SLC23A2: variants seen among roughly 807,000 people sequenced by gnomAD.
The protein encoded by SLC23A2 is Na(+)/L-ascorbic acid transporter 2.
A neutral mutation model predicts 73.3 loss-of-function variants in SLC23A2; 36 were observed. That is an observed-to-expected ratio of 0.49 (90% CI 0.38 to 0.65). The LOEUF (loss-of-function observed/expected upper bound fraction) is 0.65. Ranked by LOEUF, SLC23A2 falls within the 30% of genes least tolerant of loss-of-function variation. SLC23A2 has a pLI of 0.00. For missense variants in SLC23A2, 507 were observed against 841.6 expected, an observed-to-expected ratio of 0.60 and a Z score of 4.92; for synonymous variants, 343 against 327.3, an observed-to-expected ratio of 1.05 and a Z score of -0.52.
Position 4,879,408 on chromosome 20 carries a change from C to CAAAAAAAAAAAAAAA in SLC23A2, c.824+4219_824+4233dup, listed in dbSNP as rs111565515. On this transcript the variant is annotated intron_variant, in intron 9 of 16. Coordinates refer to ENST00000338244, the MANE Select transcript of SLC23A2 (RefSeq NM_005116.6). ...GGGCAACCAGAGTAAAACTCTGTCT[C>CAAAAAAAAAAAAAAA]AAAAAAAAAAAAAAAAAAAAAAAAA... Among the ~76,000 whole-genome samples the CAAAAAAAAAAAAAAA allele has an allele frequency of 1.4e-3, 59 of 43,000 alleles. 2 individuals are homozygous for CAAAAAAAAAAAAAAA. Among genetic ancestry groups the CAAAAAAAAAAAAAAA allele is most frequent in the African/African-American group, 1.4e-3 (16 of 11,162 alleles). The allele number at this position is 43,000 out of a possible 152,430, so 28.2% of individuals were successfully genotyped here. A position where few individuals can be genotyped will look rare whatever the true frequency, so the allele number is the denominator to read the frequency against.
At chr20:4,936,130 C>A (rs978991478) in intron 2 of SLC23A2, among the ~76,000 whole-genome samples, 3 of 152,130 alleles carry the variant, frequency 2.0e-5, no homozygotes, top group Non-Finnish European at 4.4e-5. Flanking sequence ...GTAGCCAAAT[C>A]CATCAGCCTT....
rs780531243 is a variant in SLC23A2 at position 4,857,097 on chromosome 20, T to C, written c.1828A>G (p.Ile610Val). 1.4e-5 allele frequency: 22 copies of C among 1,613,964 alleles called. No individual in the cohort carries two copies. The highest frequency in any genetic ancestry group is 1.8e-5 in the Non-Finnish European group (21 of 1,179,932). ...TAGCTGAAGCATCTGTATTTTTTTA[T>C]AATGTTCATGCCAAATGGCAAATTG... ...SYNLPFGMNI[I>V]KKYRCFSYLP... The change falls in exon 17 of 17, where the codon ATA becomes GTA. Residue 610 changes from isoleucine to valine, a missense_variant. Coordinates refer to ENST00000338244, the MANE Select transcript of SLC23A2 (RefSeq NM_005116.6). This position sits in a 1 kb window ranked among gnomAD's most constrained non-coding sequence, Gnocchi z 4.0.
intron 1 of SLC23A2, among the ~76,000 whole-genome samples, chr20:4,976,088 T>C (rs984352449): frequency 6.6e-6 from 1 of 150,474 alleles, no homozygotes; most frequent in Non-Finnish European, 1.5e-5. Flanking sequence ...CTCCTGACCT[T>C]GTGATCCACC....
chr20:5,008,201 C>T (rs1568667479), intron 1 of SLC23A2, among the ~76,000 whole-genome samples: 1 of 152,122 alleles, frequency 6.6e-6, no homozygotes. Flanking sequence ...TGAGCCACCA[C>T]GCCCAGCCAA....
rs1342760401 is a variant in SLC23A2 at position 4,855,512 on chromosome 20, A to T, written c.*1460T>A. 6.6e-6 allele frequency: 1 copy of T among 152,246 alleles called. No individual in the cohort carries two copies. Among genetic ancestry groups the T allele is most frequent in the Admixed American group, 6.5e-5 (1 of 15,282 alleles). 9.4% of individuals were successfully genotyped at this position (152,246 alleles called of 1,614,324 possible). A position where few individuals can be genotyped will look rare whatever the true frequency, so the allele number is the denominator to read the frequency against. On this transcript the variant is annotated 3_prime_UTR_variant, in exon 17 of 17. Coordinates refer to ENST00000338244, the MANE Select transcript of SLC23A2 (RefSeq NM_005116.6). ...AGGAGTCATTTCTCAGGAAGAATTTAGTGTTATTAATTAGAACTCTCTTAA... is the reference window on the plus strand; with the variant it reads ...AGGAGTCATTTCTCAGGAAGAATTTTGTGTTATTAATTAGAACTCTCTTAA...
chr20:4,999,533 T>A (rs1440228654), intron 1 of SLC23A2, among the ~76,000 whole-genome samples: 1 of 151,358 alleles, frequency 6.6e-6, no homozygotes, highest in African/African-American at 2.4e-5. Flanking sequence ...TGGTTTTTTT[T>A]AAGCTGGCCG....
In SLC23A2 at chr20:4,932,551, A is replaced by G. The variant is rs555183421; in HGVS notation, c.12T>C (p.Ile4=). The change falls in exon 3 of 17, where the codon ATT becomes ATC. Residue 4 remains isoleucine, a synonymous_variant. Coordinates refer to ENST00000338244, the MANE Select transcript of SLC23A2 (RefSeq NM_005116.6). The part of the protein sequence containing the change: MMG[I]GKNTTSKSME... Reference sequence around the variant, plus strand: ...TTGATTTGGATGTGGTATTCTTACCAATACCCATCATTAAGAGAAACGAGT... The same window carrying G: ...TTGATTTGGATGTGGTATTCTTACCGATACCCATCATTAAGAGAAACGAGT... The G allele has an allele frequency of 2.0e-4, 308 of 1,568,448 alleles. 5 individuals are homozygous for G. In the South Asian group the frequency reaches 3.3e-3, roughly 17 times the overall value.
At chr20:4,935,378 C>T (rs938455484) in intron 2 of SLC23A2, among the ~76,000 whole-genome samples, 12 of 152,124 alleles carry the variant, frequency 7.9e-5, no homozygotes, top group African/African-American at 2.9e-4. Flanking sequence ...GGTCCCACCA[C>T]CCTGCCACAG....
In SLC23A2 at chr20:4,983,827, A is replaced by G. The variant is rs187190635; in HGVS notation, c.-281-12908T>C. Among the ~76,000 whole-genome samples, 319 of 147,468 alleles carry G rather than the reference A, an allele frequency of 2.2e-3. 2 individuals carry two copies. The highest frequency in any genetic ancestry group is 7.4e-3 in the African/African-American group (294 of 39,840). Reference sequence around the variant, plus strand: ...CAAAATTAGCCAGGCGTGGTGGTGCATGCCTGTAATCCCTGCTATTCGGGA... The same window carrying G: ...CAAAATTAGCCAGGCGTGGTGGTGCGTGCCTGTAATCCCTGCTATTCGGGA... On this transcript the variant is annotated intron_variant, in intron 1 of 16. Coordinates refer to ENST00000338244, the MANE Select transcript of SLC23A2 (RefSeq NM_005116.6).
intron 2 of SLC23A2, among the ~76,000 whole-genome samples, chr20:4,960,564 C>G (rs2087365236): frequency 6.6e-6 from 1 of 152,220 alleles, no homozygotes; most frequent in African/African-American, 2.4e-5. Flanking sequence ...CATTTGGGAA[C>G]ATTTTCCAGA....
intron 1 of SLC23A2, among the ~76,000 whole-genome samples, chr20:5,007,574 ATT>A (rs1373166355): frequency 6.6e-6 from 1 of 152,160 alleles, no homozygotes; most frequent in Non-Finnish European, 1.5e-5. Flanking sequence ...AAAGTATACA[ATT>A]TGGTGGTTTT....
upstream of SLC23A2, among the ~76,000 whole-genome samples, chr20:5,005,932 G>A (rs1397172196): frequency 2.6e-5 from 4 of 151,896 alleles, no homozygotes; most frequent in Non-Finnish European, 5.9e-5. Flanking sequence ...GTTGCAGTGA[G>A]CTGAGATCGC....
intron 1 of SLC23A2, among the ~76,000 whole-genome samples, chr20:4,999,282 G>T (rs1358954405): frequency 2.0e-5 from 3 of 152,154 alleles, no homozygotes; most frequent in African/African-American, 7.2e-5. Flanking sequence ...GGCTCTGTGA[G>T]GGCAAAAGAC....
Position 4,902,992 on chromosome 20 carries a change from C to T in SLC23A2, c.208-434G>A, listed in dbSNP as rs756597845. Among the ~76,000 whole-genome samples the T allele has an allele frequency of 5.3e-5, 8 of 152,168 alleles. No homozygotes were observed. The highest frequency in any genetic ancestry group is 1.2e-4 in the Non-Finnish European group (8 of 68,034). On this transcript the variant is annotated intron_variant, in intron 4 of 16. Transcript: ENST00000338244. This position sits in a 1 kb window ranked among gnomAD's most constrained non-coding sequence, Gnocchi z 4.0. ...CAGCACACTGATCTGCCCCTCCCAG[C>T]CCACTTCATCCCTGCAAGTAAAAAG...
chr20:4,903,596 G>C (rs997314046), intron 4 of SLC23A2, among the ~76,000 whole-genome samples: 1 of 152,142 alleles, frequency 6.6e-6, no homozygotes, highest in Non-Finnish European at 1.5e-5. Flanking sequence ...CAGGGGTTTG[G>C]GGTTTGGGGC....
chr20:4,988,996 G>T (rs2087878978), intron 1 of SLC23A2, among the ~76,000 whole-genome samples: 1 of 152,002 alleles, frequency 6.6e-6, no homozygotes, highest in Non-Finnish European at 1.5e-5. Flanking sequence ...CAGCACTTTG[G>T]GAGGCCGAGG....
intron 6 of SLC23A2, among the ~76,000 whole-genome samples, chr20:4,888,531 C>T (rs185957070): frequency 9.2e-5 from 14 of 152,278 alleles, no homozygotes; most frequent in African/African-American, 3.1e-4. Flanking sequence ...GATCCCATGT[C>T]GGGCTCCAGC....
chr20:4,859,139 G>A (rs1265100365), intron 16 of SLC23A2, 150 bp downstream of exon 16: 5 of 608,098 alleles, frequency 8.2e-6, no homozygotes, highest in Non-Finnish European at 1.5e-5. Flanking sequence ...GGCTGGGAGT[G>A]CCATCACAAC....
upstream of SLC23A2, among the ~76,000 whole-genome samples, chr20:5,005,738 A>G (rs2088183556): frequency 6.6e-6 from 1 of 152,208 alleles, no homozygotes; most frequent in African/African-American, 2.4e-5. Context: ...TTGTAATCCC[A>G]GCACTTTGGG....
Sources: allele counts gnomAD v4.1 joint callset (sites outside exome capture counted in the v4.1 genomes callset), GRCh38; gene constraint gnomAD v4.1.1; non-coding constraint Gnocchi (gnomAD v3.1); transcripts MANE v1.5; gene names NCBI Gene and HGNC (gene_info 2026-07-23, HGNC 2026-07-21).